The following ZNF385B variants were observed in gnomAD, a reference collection of about 807,000 sequenced individuals.
ZNF385B encodes the protein zinc finger protein 385B.
ZNF385B carries 23 observed loss-of-function variants against 39.2 expected under a neutral mutation model. That is an observed-to-expected ratio of 0.59 (90% confidence interval 0.42 to 0.83). The LOEUF (loss-of-function observed/expected upper bound fraction) is 0.83, where lower values mean the gene tolerates loss of function less well. Among genes scored for constraint, ZNF385B ranks in the 40% least tolerant of loss-of-function variants. The probability of loss-of-function intolerance (pLI) is 0.00; values close to 1 mark genes in which losing one functional copy is unlikely to be tolerated. For synonymous variants in ZNF385B, 205 were observed against 222.6 expected (o/e 0.92, Z 0.70); for missense variants, 552 against 598.9 (o/e 0.92, Z 0.82).
intron 1 of ZNF385B, among the ~76,000 whole-genome samples, chr2:179,775,128 A>G (rs1704239445): frequency 6.6e-6 from 1 of 152,214 alleles, no homozygotes; most frequent in African/African-American, 2.4e-5. Context: ...TCCTTTCCCC[A>G]AAATAGAGTT....
rs1298681891 is a variant in ZNF385B at position 179,793,895 on chromosome 2, CT to C, written c.-154-23224del. ...ATGCTTTGCACATGCAATGGCTTTA[CT>C]TTACAGTTTAAAACTCAAAATGAGA... On this transcript the variant is annotated intron_variant, in intron 1 of 9. Coordinates refer to ENST00000410066, the MANE Select transcript of ZNF385B (RefSeq NM_152520.6). 5.3e-5 allele frequency among the ~76,000 whole-genome samples: 8 copies of C among 152,348 alleles called. No homozygotes were observed. In the East Asian group the frequency reaches 1.2e-3, roughly 22 times the overall value.
intron 1 of ZNF385B, among the ~76,000 whole-genome samples, chr2:179,842,483 C>T (rs1258512768): frequency 6.6e-6 from 1 of 152,166 alleles, no homozygotes; most frequent in Non-Finnish European, 1.5e-5. Flanking sequence ...CCATTATCCA[C>T]AGCTATGGTC....
intron 1 of ZNF385B, among the ~76,000 whole-genome samples, chr2:179,832,162 T>C (rs953501149): frequency 6.6e-6 from 1 of 152,206 alleles, no homozygotes; most frequent in African/African-American, 2.4e-5. Flanking sequence ...TCTGGCCTTT[T>C]GCTATATTTA....
intron 1 of ZNF385B, among the ~76,000 whole-genome samples, chr2:179,810,678 G>A (rs1363979206): frequency 2.6e-5 from 4 of 151,896 alleles, no homozygotes; most frequent in Non-Finnish European, 5.9e-5. Context: ...ACTTTTGGAA[G>A]TAAACACAAA....
intron 3 of ZNF385B, among the ~76,000 whole-genome samples, chr2:179,734,607 C>T (rs1404627608): frequency 6.6e-6 from 1 of 152,174 alleles, no homozygotes; most frequent in Non-Finnish European, 1.5e-5. Flanking sequence ...CTTTAGTCAA[C>T]ATTTTAAGTC....
chr2:179,493,081 TTC>T (rs1015401566), intron 5 of ZNF385B, among the ~76,000 whole-genome samples: 5 of 152,144 alleles, frequency 3.3e-5, no homozygotes, highest in Admixed American at 2.0e-4. Context: ...GGTTTCCACT[TTC>T]TGATTCTGTG....
intron 6 of ZNF385B, among the ~76,000 whole-genome samples, chr2:179,450,967 G>C (rs2050073003): frequency 6.6e-6 from 1 of 151,948 alleles, no homozygotes; most frequent in Admixed American, 6.6e-5. Flanking sequence ...GGATGAAGCT[G>C]GAAACCATCA....
Position 179,447,544 on chromosome 2 carries a change from A to T in ZNF385B, c.716-774T>A, listed in dbSNP as rs151229123. 1.4e-3 allele frequency among the ~76,000 whole-genome samples: 207 copies of T among 152,254 alleles called. 1 individual carries two copies. The highest frequency in any genetic ancestry group is 4.7e-3 in the African/African-American group (195 of 41,546). ...GTTAGAGTGACTTTAACAGAATCTA[A>T]CTCATTGAAGTTCATTTGCTATTCA... On this transcript the variant is annotated intron_variant, in intron 6 of 9. Coordinates refer to ENST00000410066, the MANE Select transcript of ZNF385B (RefSeq NM_152520.6).
At chr2:179,697,624 G>A (rs555384209) in intron 3 of ZNF385B, among the ~76,000 whole-genome samples, 1 of 152,304 alleles carries the variant, frequency 6.6e-6, no homozygotes, top group East Asian at 1.9e-4. Context: ...CAGTCCAACT[G>A]GAGATTAGAA....
At chr2:179,590,751 A>G (rs1687487079) in intron 3 of ZNF385B, among the ~76,000 whole-genome samples, 1 of 151,906 alleles carries the variant, frequency 6.6e-6, no homozygotes. Flanking sequence ...AGGAGATCTG[A>G]TTGCTTAAAA....
intron 6 of ZNF385B, among the ~76,000 whole-genome samples, chr2:179,450,083 C>T (rs1181009295): frequency 1.3e-5 from 2 of 151,658 alleles, no homozygotes; most frequent in African/African-American, 4.8e-5. Context: ...CTTCCTTACA[C>T]CTTATACAAA....
At chr2:179,852,468 A>G (rs1165237795) in intron 1 of ZNF385B, among the ~76,000 whole-genome samples, 2 of 151,650 alleles carry the variant, frequency 1.3e-5, no homozygotes, top group Non-Finnish European at 2.9e-5. Context: ...CCAGGACCTC[A>G]CCTCCTACCA....
intron 6 of ZNF385B, among the ~76,000 whole-genome samples, chr2:179,453,243 C>A (rs924954393): frequency 2.6e-5 from 4 of 152,060 alleles, no homozygotes; most frequent in South Asian, 2.1e-4. Flanking sequence ...TAAAAGGATA[C>A]CGAACGAGAC....
intron 3 of ZNF385B, among the ~76,000 whole-genome samples, chr2:179,641,600 T>C (rs912244650): frequency 5.9e-5 from 9 of 152,136 alleles, no homozygotes; most frequent in Non-Finnish European, 4.4e-5. Flanking sequence ...CTAAAAGCAT[T>C]ATGTTTCACA....
At chr2:179,692,063 C>T (rs1698396872) in intron 3 of ZNF385B, among the ~76,000 whole-genome samples, 2 of 152,038 alleles carry the variant, frequency 1.3e-5, no homozygotes, top group African/African-American at 4.8e-5. Flanking sequence ...TTATTATTAA[C>T]CATAGTCACC....
intron 3 of ZNF385B, among the ~76,000 whole-genome samples, chr2:179,572,014 G>A (rs995133653): frequency 1.3e-5 from 2 of 152,008 alleles, no homozygotes; most frequent in Non-Finnish European, 2.9e-5. Flanking sequence ...GAAAACGCCT[G>A]TGGGGGCCTG....
At chr2:179,793,903 T>C (rs1705496095) in intron 1 of ZNF385B, among the ~76,000 whole-genome samples, 1 of 152,234 alleles carries the variant, frequency 6.6e-6, no homozygotes, top group East Asian at 1.9e-4. Flanking sequence ...TACTTTACAG[T>C]TTAAAACTCA....
chr2:179,494,834 T>C (rs935105624), intron 5 of ZNF385B, among the ~76,000 whole-genome samples: 6 of 152,202 alleles, frequency 3.9e-5, no homozygotes, highest in African/African-American at 9.6e-5. Context: ...TGTTCTGCAC[T>C]TTGCCTTTTC....
chr2:179,719,900 C>T (rs770017908), intron 3 of ZNF385B, among the ~76,000 whole-genome samples: 2 of 152,160 alleles, frequency 1.3e-5, no homozygotes, highest in Non-Finnish European at 2.9e-5. Context: ...AAGGTATACA[C>T]TCAGTTAAGA....
Sources: allele counts gnomAD v4.1 joint callset (sites outside exome capture counted in the v4.1 genomes callset), GRCh38; gene constraint gnomAD v4.1.1; transcripts MANE v1.5; gene names NCBI Gene and HGNC (gene_info 2026-07-23, HGNC 2026-07-21).